Variants in PRH1 observed in about 807,000 individuals in gnomAD.
PRH1 encodes salivary acidic proline-rich phosphoprotein 1/2.
In PRH1, 7 loss-of-function variants were observed where a neutral mutation model predicts 7.9. The observed-to-expected ratio is 0.89, with a 90% CI of 0.50 to 1.67. PRH1 has a LOEUF of 1.67. Ranked by LOEUF, PRH1 falls within the 40% of genes most tolerant of loss-of-function variation. The pLI, the probability that PRH1 is intolerant of heterozygous loss-of-function variation, is 0.00. For synonymous variants in PRH1, 45 were observed against 80.8 expected (o/e 0.56, Z 2.38); for missense variants, 109 against 223.6 (o/e 0.49, Z 3.27).
intron 1 of PRH1, among the ~76,000 whole-genome samples, chr12:11,067,693 C>G (rs1247581745): frequency 2.2e-4 from 34 of 152,270 alleles, no homozygotes; most frequent in African/African-American, 7.9e-4. Context: ...AAAACCCTGT[C>G]TCTACCAAAA....
intron 1 of PRH1, among the ~76,000 whole-genome samples, chr12:11,131,157 G>A (rs1946329527): frequency 1.3e-5 from 2 of 152,216 alleles, no homozygotes; most frequent in African/African-American, 4.8e-5. Context: ...GGAAACAGAA[G>A]ACTAACGACA....
Position 10,884,151 on chromosome 12 carries a change from T to G in PRH1, c.64+3A>C. On this transcript the variant is annotated splice_donor_region_variant and intron_variant, in intron 1 of 3. Transcript: ENST00000543626. The stretch of plus-strand genomic sequence containing the variant: ...CACAATATCTTCCCCCAATTCATCT[T>G]ACCTTCATTTAAATCCTGAGCTGAG... The G allele has an allele frequency of 6.2e-7, 1 of 1,614,200 alleles. No homozygotes were observed. Among genetic ancestry groups the G allele is most frequent in the Non-Finnish European group, 8.5e-7 (1 of 1,180,020 alleles).
intron 1 of PRH1, among the ~76,000 whole-genome samples, chr12:11,170,429 C>T (rs954954336): frequency 1.3e-5 from 2 of 152,222 alleles, no homozygotes; most frequent in Non-Finnish European, 2.9e-5. Flanking sequence ...CGCCTGTAGT[C>T]CCAGCTACTC....
chr12:10,881,362 T>C (rs1004030075), intron 3 of PRH1, among the ~76,000 whole-genome samples: 1 of 152,244 alleles, frequency 6.6e-6, no homozygotes, highest in African/African-American at 2.4e-5. Flanking sequence ...CAACATATCA[T>C]ATAATAGTGA....
rs1452480087 is a variant in PRH1, at chr12:11,093,823, G to C, written n.124-46635C>G. Among the ~76,000 whole-genome samples the C allele has an allele frequency of 7.1e-5, 8 of 113,444 alleles. 4 individuals carry two copies. The highest frequency in any genetic ancestry group is 1.7e-4 in the Non-Finnish European group (8 of 48,140). The allele number at this position is 113,444 out of a possible 152,430, so 74.4% of individuals were successfully genotyped here. ...ATTCTTCCTCTTTCCATAGAGATTTGAGATGGCTTCCATACTGGGGATTCT... is the reference window on the plus strand; with the variant it reads ...ATTCTTCCTCTTTCCATAGAGATTTCAGATGGCTTCCATACTGGGGATTCT... On this transcript the variant is annotated intron_variant and non_coding_transcript_variant, in intron 1 of 4. Transcript: ENST00000541977.
intron 1 of PRH1, among the ~76,000 whole-genome samples, chr12:11,057,256 C>T (rs932553403): frequency 1.3e-5 from 2 of 152,158 alleles, no homozygotes; most frequent in African/African-American, 2.4e-5. Flanking sequence ...CCTTGGCCTC[C>T]CAAACTACTA....
At chr12:11,062,023 A>C (rs1402979880) in intron 1 of PRH1, 6 of 1,612,596 alleles carry the variant, frequency 3.7e-6, no homozygotes, top group Admixed American at 1.7e-5. Flanking sequence ...GAAATGGTTG[A>C]TTACTGCCCA....
chr12:11,058,662 G>A (rs138178614), intron 1 of PRH1, among the ~76,000 whole-genome samples: 1 of 152,410 alleles, frequency 6.6e-6, no homozygotes, highest in East Asian at 1.9e-4. Context: ...TGAGCCAAAT[G>A]ATCCAGCAGA....
At chr12:10,978,155 A>G (rs1206009420) in intron 1 of PRH1, among the ~76,000 whole-genome samples, 1 of 152,094 alleles carries the variant, frequency 6.6e-6, no homozygotes, top group African/African-American at 2.4e-5. Flanking sequence ...CACATTACCT[A>G]ACTTTGAACC....
At chr12:10,894,743 A>G (rs896232109) in intron 2 of PRH1, among the ~76,000 whole-genome samples, 1 of 152,178 alleles carries the variant, frequency 6.6e-6, no homozygotes, top group African/African-American at 2.4e-5. Flanking sequence ...TTACTATTAA[A>G]TACATAATCT....
intron 1 of PRH1, among the ~76,000 whole-genome samples, chr12:11,099,148 TC>T (rs1295239694): frequency 5.3e-5 from 8 of 152,160 alleles, no homozygotes; most frequent in African/African-American, 1.9e-4. Flanking sequence ...TGACTACCTT[TC>T]CCCTGAACTT....
At chr12:11,122,999 T>C (rs573664376) in intron 1 of PRH1, among the ~76,000 whole-genome samples, 8 of 138,390 alleles carry the variant, frequency 5.8e-5, no homozygotes, top group African/African-American at 1.8e-4. Flanking sequence ...GATCTTTTTT[T>C]ATTTTCTTTG....
intron 1 of PRH1, among the ~76,000 whole-genome samples, chr12:11,003,966 C>T (rs1310509239): frequency 6.6e-6 from 1 of 152,022 alleles, no homozygotes; most frequent in Non-Finnish European, 1.5e-5. Context: ...ATTTGGGAGA[C>T]TTCTCAACTT....
At chr12:11,114,077 C>T (rs1945664211) in intron 1 of PRH1, among the ~76,000 whole-genome samples, 1 of 152,120 alleles carries the variant, frequency 6.6e-6, no homozygotes, top group Non-Finnish European at 1.5e-5. Context: ...TTAGTTCAAC[C>T]ATTGGGGAAA....
At chr12:11,121,366 T>C (rs186517664) in intron 1 of PRH1, among the ~76,000 whole-genome samples, 3 of 147,736 alleles carry the variant, frequency 2.0e-5, no homozygotes, top group Non-Finnish European at 3.0e-5. Flanking sequence ...CCTCTTTACA[T>C]TGAGTTTTTT....
chr12:11,048,998 A>T (rs1943026279), upstream of PRH1: 7 of 296,042 alleles, frequency 2.4e-5, no homozygotes, highest in South Asian at 5.0e-4. Context: ...TTGCTGAGAC[A>T]TTAGAACCAA....
intron 1 of PRH1, chr12:11,171,249 G>A (rs11557132): frequency 0.26 from 181,616 of 706,474 alleles, 23,573 homozygotes; most frequent in Non-Finnish European, 0.27. Flanking sequence ...GTGTGAGCCC[G>A]GGAGCCGCTT....
intron 2 of PRH1, among the ~76,000 whole-genome samples, chr12:10,962,216 G>A (rs16926144): frequency 0.015 from 2,313 of 152,160 alleles, 21 homozygotes; most frequent in South Asian, 0.031. Context: ...CATTTAGAAA[G>A]GATATTAAAA....
intron 1 of PRH1, among the ~76,000 whole-genome samples, chr12:10,979,627 T>G (rs1939260880): frequency 6.6e-6 from 1 of 152,210 alleles, no homozygotes; most frequent in African/African-American, 2.4e-5. Context: ...TTTGCACTTT[T>G]GCAGGCTCTC....
Sources: gnomAD v4.1 joint callset for allele counts (sites outside exome capture counted in the v4.1 genomes callset) on GRCh38, gnomAD v4.1.1 for gene constraint, MANE v1.5 for transcripts, NCBI Gene and HGNC (gene_info 2026-07-23, HGNC 2026-07-21) for gene names.